Variants in BDH1 observed in about 807,000 individuals in gnomAD.
The protein encoded by BDH1 is D-beta-hydroxybutyrate dehydrogenase, mitochondrial.
In BDH1, 30 loss-of-function variants were observed where a neutral mutation model predicts 33.1. The ratio of observed to expected loss-of-function variants is 0.91; its 90% CI spans 0.68 to 1.23. The LOEUF (loss-of-function observed/expected upper bound fraction) is 1.23, where lower values mean the gene tolerates loss of function less well. BDH1 is among the 50% of genes most tolerant of loss of function. The pLI, the probability that BDH1 is intolerant of heterozygous loss-of-function variation, is 0.00. For synonymous variants in BDH1, 190 were observed against 183.6 expected, an observed-to-expected ratio of 1.03 and a Z score of -0.28; for missense variants, 443 against 464.4, an observed-to-expected ratio of 0.95 and a Z score of 0.42.
rs114484832 is a variant in BDH1 at position 197,512,306 on chromosome 3, C to T, written c.621G>A (p.Pro207=). The T allele has an allele frequency of 5.4e-4, 875 of 1,611,924 alleles. 2 individuals are homozygous for T. In the African/African-American group the frequency reaches 0.01, roughly 19 times the overall value. ...LGRMANPARS[P]YCITKFGVEA... ...CTACCCCGAACTTGGTGATGCAGTA[C>T]GGGGAGCGGGCCGGGTTGGCCATGC... The change falls in exon 8 of 8, where the codon CCG becomes CCA. Residue 207 remains proline, a synonymous_variant. Transcript: ENST00000392379.
intron 1 of BDH1, among the ~76,000 whole-genome samples, chr3:197,563,531 A>G (rs1179879938): frequency 2.6e-5 from 4 of 152,238 alleles, no homozygotes; most frequent in African/African-American, 9.6e-5. Flanking sequence ...AATGATGACT[A>G]TCACAGTTTT....
intron 6 of BDH1, among the ~76,000 whole-genome samples, chr3:197,519,715 A>C (rs1713316818): frequency 6.6e-6 from 1 of 152,010 alleles, no homozygotes; most frequent in East Asian, 1.9e-4. Context: ...CTGGTAAGTG[A>C]TGTGCCAAGA....
chr3:197,557,323 TG>T (rs1717097219), upstream of BDH1, among the ~76,000 whole-genome samples: 1 of 152,212 alleles, frequency 6.6e-6, no homozygotes, highest in South Asian at 2.1e-4. This position sits in a 1 kb window ranked among gnomAD's most constrained non-coding sequence, Gnocchi z 4.6. Context: ...GCTCAGATTT[TG>T]GGGGTTCACA....
At chr3:197,549,397 C>G (rs893032810) in intron 2 of BDH1, among the ~76,000 whole-genome samples, 1 of 152,236 alleles carries the variant, frequency 6.6e-6, no homozygotes, top group Non-Finnish European at 1.5e-5. Flanking sequence ...GCTGGGCTCA[C>G]TGTGTTCCAT....
upstream of BDH1, among the ~76,000 whole-genome samples, chr3:197,557,458 CTGTA>C (rs988907427): frequency 1.1e-4 from 17 of 152,162 alleles, no homozygotes; most frequent in Admixed American, 8.5e-4. The surrounding 1 kb of genome is among the most constrained non-coding windows in gnomAD (Gnocchi z 4.6). Context: ...TTAAAGAAAA[CTGTA>C]GACCGGGTGC....
At chr3:197,548,232 T>C (rs1377201731) in intron 2 of BDH1, among the ~76,000 whole-genome samples, 1 of 152,084 alleles carries the variant, frequency 6.6e-6, no homozygotes, top group Non-Finnish European at 1.5e-5. Context: ...CTTTTTATGG[T>C]TTTATGGAAG....
intron 3 of BDH1, chr3:197,538,621 G>A: frequency 3.7e-6 from 1 of 269,598 alleles, no homozygotes; most frequent in Non-Finnish European, 7.4e-6. Flanking sequence ...CAAAGTACTG[G>A]GATCACAGGC....
chr3:197,566,882 G>T (rs999549050), intron 1 of BDH1, among the ~76,000 whole-genome samples: 7 of 151,918 alleles, frequency 4.6e-5, no homozygotes, highest in African/African-American at 1.5e-4. Flanking sequence ...ACTGAAAACT[G>T]AGCTGTGCTT....
chr3:197,515,305 A>G, intron 6 of BDH1: 1 of 985,436 alleles, frequency 1.0e-6, no homozygotes, highest in Non-Finnish European at 1.2e-6. Flanking sequence ...TGAAGAGCTC[A>G]CTCCCACTCT....
At chr3:197,542,549 G>GTTTTTTTTTTTT (rs1715735457) in intron 3 of BDH1, among the ~76,000 whole-genome samples, 1 of 113,872 alleles carries the variant, frequency 8.8e-6, no homozygotes, top group African/African-American at 4.9e-5. Context: ...TTGAGACGGA[G>GTTTTTTTTTTTT]TTTTGCTCTT....
At chr3:197,535,250 C>A (rs1490286073) in intron 3 of BDH1, among the ~76,000 whole-genome samples, 1 of 152,160 alleles carries the variant, frequency 6.6e-6, no homozygotes, top group Non-Finnish European at 1.5e-5. Context: ...TGCCCATATT[C>A]TATTGAATCG....
chr3:197,548,840 G>A (rs1280061520), intron 2 of BDH1, among the ~76,000 whole-genome samples: 1 of 151,746 alleles, frequency 6.6e-6, no homozygotes, highest in Non-Finnish European at 1.5e-5. Context: ...GACAGAGCAA[G>A]GCTCCGTCTC....
chr3:197,521,504 C>T lies in BDH1; in HGVS notation c.409+1136G>A, dbSNP rs1713546710. Among the ~76,000 whole-genome samples, 3 of 152,134 alleles carry T rather than the reference C, an allele frequency of 2.0e-5. No individual in the cohort carries two copies. The South Asian group carries it at 6.2e-4, about 31-fold the overall frequency. Reference sequence around the variant, plus strand: ...CCAACCTCTCTGACAGCTGCCTCTCCCCCTCCTCTGATCCCCGAACACTCA... The same window carrying T: ...CCAACCTCTCTGACAGCTGCCTCTCTCCCTCCTCTGATCCCCGAACACTCA... On this transcript the variant is annotated intron_variant, in intron 6 of 7. Coordinates refer to ENST00000392379, the MANE Select transcript of BDH1 (RefSeq NM_203314.3). The surrounding 1 kb of genome is among the most constrained non-coding windows in gnomAD (Gnocchi z 4.9).
intron 5 of BDH1, among the ~76,000 whole-genome samples, chr3:197,531,026 A>G (rs1024626363): frequency 2.0e-5 from 3 of 152,256 alleles, no homozygotes; most frequent in African/African-American, 7.2e-5. Flanking sequence ...ACAGATCACA[A>G]ATAAATGGCA....
chr3:197,565,042 C>T (rs1378359795), intron 1 of BDH1, among the ~76,000 whole-genome samples: 3 of 152,208 alleles, frequency 2.0e-5, no homozygotes, highest in Non-Finnish European at 4.4e-5. Flanking sequence ...CCTGCCTCAG[C>T]CTCCCTAGTA....
Position 197,550,479 on chromosome 3 carries a change from G to A in BDH1, c.-43-3993C>T, listed in dbSNP as rs201941515. 3.3e-5 allele frequency among the ~76,000 whole-genome samples: 5 copies of A among 152,160 alleles called. No individual in the cohort carries two copies. The East Asian group carries it at 9.6e-4, about 29-fold the overall frequency. Reference sequence around the variant, plus strand: ...TCTCAGACCTGCCCCTCCCTCATAGGATTTGGCCTCTGCAGCTGCAGAGAC... The same window carrying A: ...TCTCAGACCTGCCCCTCCCTCATAGAATTTGGCCTCTGCAGCTGCAGAGAC... On this transcript the variant is annotated intron_variant, in intron 2 of 7. Transcript: ENST00000392379.
At chr3:197,565,897 C>A (rs1717417844) in intron 1 of BDH1, among the ~76,000 whole-genome samples, 1 of 152,210 alleles carries the variant, frequency 6.6e-6, no homozygotes, top group Non-Finnish European at 1.5e-5. Context: ...TCATGGAGAA[C>A]TGAAATGTTC....
chr3:197,567,504 T>C (rs935404555), intron 1 of BDH1, among the ~76,000 whole-genome samples: 2 of 152,216 alleles, frequency 1.3e-5, no homozygotes, highest in African/African-American at 4.8e-5. Context: ...TTGCCTCCAG[T>C]TGTCCTACCT....
intron 1 of BDH1, among the ~76,000 whole-genome samples, chr3:197,566,241 A>G (rs1218007110): frequency 6.6e-6 from 1 of 152,234 alleles, no homozygotes; most frequent in Non-Finnish European, 1.5e-5. Flanking sequence ...TTATTTTACT[A>G]AAGTTTTGAC....
Sources: allele counts gnomAD v4.1 joint callset (sites outside exome capture counted in the v4.1 genomes callset), GRCh38; gene constraint gnomAD v4.1.1; non-coding constraint Gnocchi (gnomAD v3.1); transcripts MANE v1.5; gene names NCBI Gene and HGNC (gene_info 2026-07-23, HGNC 2026-07-21).